OSBPL8: variants seen among roughly 807,000 people sequenced by gnomAD.
OSBPL8 encodes oxysterol binding protein like 8, also known as oxysterol-binding protein-related protein 8.
A neutral mutation model predicts 125.5 loss-of-function variants in OSBPL8; 59 were observed. That is an observed-to-expected ratio of 0.47 (90% CI 0.38 to 0.58). The LOEUF is 0.58. Among genes scored for constraint, OSBPL8 ranks in the 20% least tolerant of loss-of-function variants. OSBPL8 has a pLI of 0.00. For synonymous variants in OSBPL8, 330 were observed against 338.9 expected, an observed-to-expected ratio of 0.97 and a Z score of 0.29; for missense variants, 758 against 1,047.8, an observed-to-expected ratio of 0.72 and a Z score of 3.82.
At chr12:76,541,942 C>CGGGA (rs1245239655) in intron 1 of OSBPL8, among the ~76,000 whole-genome samples, 1 of 151,908 alleles carries the variant, frequency 6.6e-6, no homozygotes, top group Admixed American at 6.6e-5. Context: ...GAGGCCAAGG[C>CGGGA]GGGAGGATCA....
intron 4 of OSBPL8, among the ~76,000 whole-genome samples, chr12:76,445,917 T>C (rs769470507): frequency 5.3e-5 from 8 of 152,098 alleles, no homozygotes; most frequent in Non-Finnish European, 1.2e-4. Context: ...AATACTCGAC[T>C]CAAAGTTTGA....
chr12:76,412,217 C>G (rs943305121), intron 4 of OSBPL8, among the ~76,000 whole-genome samples: 2 of 151,920 alleles, frequency 1.3e-5, no homozygotes, highest in African/African-American at 4.8e-5. Context: ...GAGTGAGAAG[C>G]CAACTCTCCC....
chr12:76,359,078 C>T (rs1040376647), intron 21 of OSBPL8, among the ~76,000 whole-genome samples: 1 of 152,116 alleles, frequency 6.6e-6, no homozygotes, highest in African/African-American at 2.4e-5. Flanking sequence ...AATAGGTACC[C>T]ATCACTATTA....
At chr12:76,378,044 G>T (rs1169351058) in intron 16 of OSBPL8, among the ~76,000 whole-genome samples, 2 of 152,102 alleles carry the variant, frequency 1.3e-5, no homozygotes, top group Non-Finnish European at 2.9e-5. Flanking sequence ...AAATGAGGGT[G>T]AGAAAAATCT....
intron 1 of OSBPL8, among the ~76,000 whole-genome samples, chr12:76,553,895 T>G (rs1014295217): frequency 7.2e-6 from 1 of 139,038 alleles, no homozygotes; most frequent in Non-Finnish European, 1.5e-5. Flanking sequence ...GAGAATCACT[T>G]GAAACCGGGA....
At chr12:76,412,660 A>G (rs1236782085) in intron 4 of OSBPL8, among the ~76,000 whole-genome samples, 1 of 152,212 alleles carries the variant, frequency 6.6e-6, no homozygotes, top group African/African-American at 2.4e-5. Flanking sequence ...AGTGTGACAC[A>G]CTATGCTATA....
chr12:76,402,909 A>G (rs1460648560), intron 5 of OSBPL8, 143 bp from the exon 6 acceptor site: 1 of 633,106 alleles, frequency 1.6e-6, no homozygotes. Context: ...AATTTTCCCT[A>G]TATGTCTTTA....
chr12:76,505,325 G>A (rs1880307294), intron 1 of OSBPL8, among the ~76,000 whole-genome samples: 1 of 152,076 alleles, frequency 6.6e-6, no homozygotes. Context: ...ATGATCAGCA[G>A]CAATGACTAA....
chr12:76,459,828 C>T (rs1245827046), intron 3 of OSBPL8, 31 bp downstream of exon 3: 2 of 1,612,734 alleles, frequency 1.2e-6, no homozygotes, highest in South Asian at 1.1e-5. Context: ...ATCATGTCCC[C>T]AAACATGCCG....
At chr12:76,509,884 A>T (rs761557326) in intron 1 of OSBPL8, among the ~76,000 whole-genome samples, 9 of 152,174 alleles carry the variant, frequency 5.9e-5, no homozygotes, top group Non-Finnish European at 1.3e-4. Flanking sequence ...TAAGTTACCT[A>T]AAAATATAAG....
intron 2 of OSBPL8, among the ~76,000 whole-genome samples, chr12:76,477,261 A>G (rs765955773): frequency 6.6e-6 from 1 of 152,222 alleles, no homozygotes; most frequent in African/African-American, 2.4e-5. Context: ...GAGCTATTGT[A>G]TATGTGGATT....
intron 2 of OSBPL8, among the ~76,000 whole-genome samples, chr12:76,475,231 T>A (rs1592748222): frequency 6.6e-6 from 1 of 151,356 alleles, no homozygotes; most frequent in African/African-American, 2.4e-5. Flanking sequence ...ATCCTACTTA[T>A]GAGAAGCTCT....
intron 6 of OSBPL8, among the ~76,000 whole-genome samples, chr12:76,402,235 T>C (rs1954078737): frequency 6.6e-6 from 1 of 152,216 alleles, no homozygotes; most frequent in Non-Finnish European, 1.5e-5. Flanking sequence ...AGCCCAGTGC[T>C]ACATATTTCT....
chr12:76,384,435 C>A, intron 14 of OSBPL8, 85 bp from the exon 15 acceptor site: 1 of 747,582 alleles, frequency 1.3e-6, no homozygotes, highest in Non-Finnish European at 1.9e-6. Flanking sequence ...ATTATTGTGC[C>A]ATTATCAAAA....
At chr12:76,466,936 G>A (rs1242724120) in intron 2 of OSBPL8, among the ~76,000 whole-genome samples, 1 of 151,656 alleles carries the variant, frequency 6.6e-6, no homozygotes, top group Non-Finnish European at 1.5e-5. Context: ...TTGCACTCCA[G>A]CCTGGACAAG....
At chr12:76,413,434 T>C (rs1868314266) in intron 4 of OSBPL8, among the ~76,000 whole-genome samples, 1 of 152,200 alleles carries the variant, frequency 6.6e-6, no homozygotes, top group Non-Finnish European at 1.5e-5. Context: ...TGTTCCTAAT[T>C]TTCCCCTGTT....
chr12:76,511,681 T>C (rs1182172424), intron 1 of OSBPL8, among the ~76,000 whole-genome samples: 1 of 152,234 alleles, frequency 6.6e-6, no homozygotes, highest in Non-Finnish European at 1.5e-5. Flanking sequence ...GGTTGTCTGT[T>C]TACTCTGCTG....
At position 76,369,312 on chromosome 12, in the gene OSBPL8, GAAA is replaced by G; in HGVS notation, c.2241-14_2241-12del. The G allele has an allele frequency of 1.4e-6, 2 of 1,409,332 alleles. No homozygotes were observed. Among genetic ancestry groups the G allele is most frequent in the Non-Finnish European group, 1.9e-6 (2 of 1,058,014 alleles). 87.3% of individuals were successfully genotyped at this position (1,409,332 alleles called of 1,614,324 possible). Reference sequence around the variant, plus strand: ...TCCCATGGTCGGGTACTACATAAATGAAAAAAAAAAAAACCATTTGCTCAATGA... The same window carrying G: ...TCCCATGGTCGGGTACTACATAAATGAAAAAAAAAACCATTTGCTCAATGA... On this transcript the variant is annotated splice_polypyrimidine_tract_variant and intron_variant, in intron 20 of 23. Coordinates refer to ENST00000261183, the MANE Select transcript of OSBPL8 (RefSeq NM_020841.5).
chr12:76,501,103 A>G (rs1879855908), intron 1 of OSBPL8, among the ~76,000 whole-genome samples: 2 of 152,152 alleles, frequency 1.3e-5, no homozygotes, highest in African/African-American at 4.8e-5. Context: ...TTACACACAC[A>G]CACACACACA....
Sources: gnomAD v4.1 joint callset for allele counts (sites outside exome capture counted in the v4.1 genomes callset) on GRCh38, gnomAD v4.1.1 for gene constraint, MANE v1.5 for transcripts, NCBI Gene and HGNC (gene_info 2026-07-23, HGNC 2026-07-21) for gene names.